ZNF268: variants seen among roughly 807,000 people sequenced by gnomAD.
ZNF268 encodes zinc finger protein 268, also known as zinc finger protein 3.
Under a neutral mutation model 29.3 loss-of-function variants are expected in ZNF268, and 20 were observed. The observed-to-expected ratio is 0.68, with a 90% CI of 0.48 to 0.99. The LOEUF is 0.99. Among genes scored for constraint, ZNF268 ranks in the 50% least tolerant of loss-of-function variants. The pLI is 0.00. For missense variants in ZNF268, 1,240 were observed against 1,121.6 expected (o/e 1.11, Z -1.51); for synonymous variants, 429 against 376.9 (o/e 1.14, Z -1.60).
intron 5 of ZNF268, among the ~76,000 whole-genome samples, chr12:133,201,010 A>G (rs1006777740): frequency 2.6e-5 from 4 of 152,004 alleles, no homozygotes; most frequent in African/African-American, 7.2e-5. Context: ...TTTTGGTTAA[A>G]TCTGTCTTTA....
Position 133,204,981 on chromosome 12 carries a change from A to G in ZNF268, c.*451A>G, listed in dbSNP as rs1295300155. On this transcript the variant is annotated 3_prime_UTR_variant, in exon 6 of 6. Coordinates refer to ENST00000536435, the MANE Select transcript of ZNF268 (RefSeq NM_003415.3). ...GAATTAACAAAATTACAAACATTTT[A>G]TGTATCGGAAGCATATACCTTGGAG... The G allele has an allele frequency of 6.4e-6, 1 of 155,144 alleles. No homozygotes were observed. Among genetic ancestry groups the G allele is most frequent in the African/African-American group, 2.4e-5 (1 of 41,446 alleles). The allele number at this position is 155,144 out of a possible 1,614,324, so 9.6% of individuals were successfully genotyped here.
At chr12:133,190,386 A>G (rs1393539343) in intron 3 of ZNF268, among the ~76,000 whole-genome samples, 1 of 152,222 alleles carries the variant, frequency 6.6e-6, no homozygotes, top group African/African-American at 2.4e-5. Flanking sequence ...CTGGCTTCCA[A>G]AGTGACTCTA....
rs545868586 is a variant in ZNF268 at position 133,187,743 on chromosome 12, G to A, written c.34-129G>A. The stretch of plus-strand genomic sequence containing the variant: ...CCATTTCTTTTCTGCCTCTAACCCT[G>A]CATTTCCTGAAGTTAAACCTGCCTT... On this transcript the variant is annotated intron_variant, in intron 2 of 5. Transcript: ENST00000536435. 4.6e-6 allele frequency: 4 copies of A among 878,816 alleles called. No individual in the cohort carries two copies. The South Asian group carries it at 5.3e-5, about 12-fold the overall frequency. 54.4% of individuals were successfully genotyped at this position (878,816 alleles called of 1,614,324 possible).
In ZNF268 at chr12:133,203,592, G is replaced by A; in HGVS notation, c.1906G>A (p.Gly636Arg). The change falls in exon 6 of 6, where the codon GGA becomes AGA. Residue 636 changes from glycine to arginine, a missense_variant. By Grantham distance (125) the Gly-to-Arg change is moderately radical (BLOSUM62 -2). This residue lies in a region of ZNF268 where 1,177 missense variants were observed against 1,039.6 expected (regional missense o/e 1.13). Coordinates refer to ENST00000536435, the MANE Select transcript of ZNF268 (RefSeq NM_003415.3). ...GATTGTACATCAGAGAACTCATACA[G>A]GAGAGAAACCCTATAGTTGTAATGA... ...NLIVHQRTHT[G>R]EKPYSCNECG... 6.4e-7 allele frequency: 1 copy of A among 1,569,862 alleles called. No homozygotes were observed.
In ZNF268 at chr12:133,214,463, A is replaced by C. The variant is rs907010850; in HGVS notation, c.*9933A>C. On this transcript the variant is annotated 3_prime_UTR_variant, in exon 6 of 6. Transcript: ENST00000536435. ...GGTGGGAGGGTCGCTTGAGCCTGGG[A>C]GTTCAAGTCCAGTCTGGGCAGCATA... 7 of 152,256 alleles carry C rather than the reference A, an allele frequency of 4.6e-5. No individual in the cohort carries two copies. Among genetic ancestry groups the C allele is most frequent in the African/African-American group, 1.7e-4 (7 of 41,446 alleles). The allele number at this position is 152,256 out of a possible 1,614,324, so 9.4% of individuals were successfully genotyped here.
Position 133,204,006 on chromosome 12 carries a change from C to T in ZNF268, c.2320C>T (p.His774Tyr), listed in dbSNP as rs770960110. ...CCAGCTCATTTCACATCAGCGAACT[C>T]ATGCAGGGGAAAAGCCTTATGGGTG... ...KDQLISHQRTHAGEKPYGCSE... is the reference protein window; with the variant it reads ...KDQLISHQRTYAGEKPYGCSE... Residue 774 changes from histidine (H) to tyrosine (Y), a missense_variant, in exon 6 of 6, where the codon CAT becomes TAT. Coordinates refer to ENST00000536435, the MANE Select transcript of ZNF268 (RefSeq NM_003415.3). The T allele has an allele frequency of 4.4e-6, 7 of 1,580,128 alleles. No homozygotes were observed. In the East Asian group the frequency reaches 1.6e-4, roughly 37 times the overall value.
chr12:133,190,292 G>A lies in ZNF268; in HGVS notation c.235-1197G>A, dbSNP rs188802693. 4.6e-5 allele frequency among the ~76,000 whole-genome samples: 7 copies of A among 152,220 alleles called. 1 individual carries two copies. Among genetic ancestry groups the A allele is most frequent in the South Asian group, 4.1e-4 (2 of 4,828 alleles). ...GTGTGTCTTCTATTTTTGCTTTGACGTAAGTTTTCATTTGTATAAATACCT... is the reference window on the plus strand; with the variant it reads ...GTGTGTCTTCTATTTTTGCTTTGACATAAGTTTTCATTTGTATAAATACCT... On this transcript the variant is annotated intron_variant, in intron 3 of 5. Coordinates refer to ENST00000536435, the MANE Select transcript of ZNF268 (RefSeq NM_003415.3).
chr12:133,203,984 G>A lies in ZNF268; in HGVS notation c.2298G>A (p.Gln766=). 6.3e-7 allele frequency: 1 copy of A among 1,588,568 alleles called. No homozygotes were observed. The highest frequency in any genetic ancestry group is 8.5e-7 in the Non-Finnish European group (1 of 1,169,680). The change falls in exon 6 of 6, where the codon CAG becomes CAA. Residue 766 remains glutamine, a synonymous_variant. Coordinates refer to ENST00000536435, the MANE Select transcript of ZNF268 (RefSeq NM_003415.3). The part of the protein sequence containing the change: ...ECGKAFNRKD[Q]LISHQRTHAG... ...GGAAAGCCTTTAATAGGAAAGACCA[G>A]CTCATTTCACATCAGCGAACTCATG... is the stretch of plus-strand genomic sequence containing the variant.
In ZNF268 at chr12:133,210,657, G is replaced by T; in HGVS notation, c.*6127G>T. ...GTGAAGTGCCCTCGGGGGTCTCCGG[G>T]TCCTGAGTAGAAGCAAGGTCTGTTT... is the stretch of plus-strand genomic sequence containing the variant. On this transcript the variant is annotated 3_prime_UTR_variant, in exon 6 of 6. Transcript: ENST00000536435. 2.8e-6 allele frequency: 1 copy of T among 357,270 alleles called. No homozygotes were observed. Among genetic ancestry groups the T allele is most frequent in the Non-Finnish European group, 5.6e-6 (1 of 179,150 alleles). The allele number at this position is 357,270 out of a possible 1,614,324, so 22.1% of individuals were successfully genotyped here.
intron 5 of ZNF268, among the ~76,000 whole-genome samples, chr12:133,199,335 C>G (rs112150002): frequency 6.6e-6 from 1 of 151,662 alleles, no homozygotes. Flanking sequence ...TGCTGGATTA[C>G]ATGTATTGAT....
In ZNF268 at chr12:133,212,476, T is replaced by TAC. The variant is rs1455120843; in HGVS notation, c.*7947_*7948insCA. The TAC allele has an allele frequency of 1.1e-4, 1 of 9,508 alleles. No homozygotes were observed. Among genetic ancestry groups the TAC allele is most frequent in the Non-Finnish European group, 1.7e-4 (1 of 5,834 alleles). 0.6% of individuals were successfully genotyped at this position (9,508 alleles called of 1,614,324 possible). ...ATATATATATATATATATATATATA[T>TAC]ATATATATATATATATATATATGTA... On this transcript the variant is annotated 3_prime_UTR_variant, in exon 6 of 6. Transcript: ENST00000536435.
Position 133,211,393 on chromosome 12 carries a change from C to A in ZNF268, c.*6863C>A, listed in dbSNP as rs1440717815. On this transcript the variant is annotated 3_prime_UTR_variant, in exon 6 of 6. Coordinates refer to ENST00000536435, the MANE Select transcript of ZNF268 (RefSeq NM_003415.3). Reference sequence around the variant, plus strand: ...GGTCCGGAGTTCGAGACCAGCCTGACCAACATGGAGAAACCCTGTCTCTAC... The same window carrying A: ...GGTCCGGAGTTCGAGACCAGCCTGAACAACATGGAGAAACCCTGTCTCTAC... 1 of 258,340 alleles carries A rather than the reference C, an allele frequency of 3.9e-6. No individual in the cohort carries two copies. Among genetic ancestry groups the A allele is most frequent in the Non-Finnish European group, 7.7e-6 (1 of 129,668 alleles). 16.0% of individuals were successfully genotyped at this position (258,340 alleles called of 1,614,324 possible).
At position 133,187,963 on chromosome 12, in the gene ZNF268, T is replaced by C; in HGVS notation, c.125T>C (p.Leu42Pro). The C allele has an allele frequency of 6.3e-7, 1 of 1,599,730 alleles. No individual in the cohort carries two copies. The highest frequency in any genetic ancestry group is 8.5e-7 in the Non-Finnish European group (1 of 1,172,888). ...ATCTTGGGCCAAGGGACTCCTGGTC[T>C]GCAACCTCTCCCTGGAACACCCAGG... ...ESILGQGTPG[L>P]QPLPGTPRQK... The change falls in exon 3 of 6, where the codon CTG becomes CCG. Residue 42 changes from leucine (L) to proline (P), a missense_variant. By Grantham distance (98) the Leu-to-Pro change is moderately conservative. Transcript: ENST00000536435.
In ZNF268 at chr12:133,212,445, TTATATATATATATATATA is replaced by T. The variant is rs565059550; in HGVS notation, c.*7951_*7968del. 4.6e-4 allele frequency: 54 copies of T among 118,590 alleles called. 1 individual carries two copies. Among genetic ancestry groups the T allele is most frequent in the Non-Finnish European group, 6.6e-4 (36 of 54,216 alleles). 7.3% of individuals were successfully genotyped at this position (118,590 alleles called of 1,614,324 possible). On this transcript the variant is annotated 3_prime_UTR_variant, in exon 6 of 6. Coordinates refer to ENST00000536435, the MANE Select transcript of ZNF268 (RefSeq NM_003415.3). ...CCAAGGGAGACTTTCATGTGTGATTTTATATATATATATATATATATATATATATATATATATATATAT... is the reference window on the plus strand; with the variant it reads ...CCAAGGGAGACTTTCATGTGTGATTTTATATATATATATATATATATATAT...
chr12:133,187,441 T>C (rs925808640), intron 2 of ZNF268, among the ~76,000 whole-genome samples: 1 of 152,192 alleles, frequency 6.6e-6, no homozygotes, highest in Non-Finnish European at 1.5e-5. Context: ...TGTTACAATT[T>C]TTTATGTGGT....
chr12:133,191,126 C>CT (rs1956460381), intron 3 of ZNF268, among the ~76,000 whole-genome samples: 1 of 152,058 alleles, frequency 6.6e-6, no homozygotes. Context: ...ACCATCCTGG[C>CT]TAACACAGTG....
At chr12:133,200,798 G>A (rs1956735180) in intron 5 of ZNF268, among the ~76,000 whole-genome samples, 1 of 151,968 alleles carries the variant, frequency 6.6e-6, no homozygotes, top group Non-Finnish European at 1.5e-5. Context: ...TCTTGTGGTA[G>A]TTACCTCCAT....
chr12:133,185,775 C>A (rs979742123), intron 2 of ZNF268, among the ~76,000 whole-genome samples: 1 of 152,144 alleles, frequency 6.6e-6, no homozygotes, highest in Non-Finnish European at 1.5e-5. Flanking sequence ...TGACCACGTT[C>A]AGACAAGAGG....
rs1329874865 is a variant in ZNF268 at position 133,214,439 on chromosome 12, G to GT, written c.*9910dup. 1 of 152,270 alleles carries GT rather than the reference G, an allele frequency of 6.6e-6. No homozygotes were observed. Among genetic ancestry groups the GT allele is most frequent in the African/African-American group, 2.4e-5 (1 of 41,444 alleles). 9.4% of individuals were successfully genotyped at this position (152,270 alleles called of 1,614,324 possible). ...AATCCCAGCTACTCGGGAGGCTGAGGTGGGAGGGTCGCTTGAGCCTGGGAG... is the reference window on the plus strand; with the variant it reads ...AATCCCAGCTACTCGGGAGGCTGAGGTTGGGAGGGTCGCTTGAGCCTGGGAG... On this transcript the variant is annotated 3_prime_UTR_variant, in exon 6 of 6. Transcript: ENST00000536435.
Sources: allele counts gnomAD v4.1 joint callset (sites outside exome capture counted in the v4.1 genomes callset), GRCh38; gene constraint gnomAD v4.1.1; regional missense constraint gnomAD v4.1.1; transcripts MANE v1.5; gene names NCBI Gene and HGNC (gene_info 2026-07-23, HGNC 2026-07-21).